The following GPHN variants were observed in gnomAD, a reference collection of about 807,000 sequenced individuals.
GPHN encodes gephyrin.
Under a neutral mutation model 95.5 loss-of-function variants are expected in GPHN, and 17 were observed. That is an observed-to-expected ratio of 0.18 (90% confidence interval 0.12 to 0.27). The LOEUF is 0.27. Ranked by LOEUF, GPHN falls within the 10% of genes least tolerant of loss-of-function variation. GPHN has a pLI of 1.00. For missense variants in GPHN, 660 were observed against 978.1 expected (o/e 0.67, Z 4.34); for synonymous variants, 320 against 322.5 (o/e 0.99, Z 0.08).
At chr14:67,524,018 G>A in the GPHN span, among the ~76,000 whole-genome samples, 1 of 152,132 alleles carries the variant, frequency 6.6e-6, no homozygotes, top group Admixed American at 6.5e-5. Flanking sequence ...CTGCATGTCT[G>A]TGTTCTGAGT....
intron 10 of GPHN, among the ~76,000 whole-genome samples, chr14:67,037,939 G>GTC (rs984788461): frequency 1.1e-4 from 17 of 151,900 alleles, no homozygotes; most frequent in African/African-American, 4.1e-4. Context: ...TGATCTGTCA[G>GTC]TCTCACTTCT....
chr14:67,582,365 G>A, the GPHN span: 4 of 1,282,502 alleles, frequency 3.1e-6, no homozygotes, highest in Admixed American at 2.0e-5. This position sits in a 1 kb window ranked among gnomAD's most constrained non-coding sequence, Gnocchi z 5.0. Context: ...GACTTCTACA[G>A]ATCAGAGCTC....
chr14:67,349,346 A>G, the GPHN span, among the ~76,000 whole-genome samples: 9 of 152,254 alleles, frequency 5.9e-5, no homozygotes, highest in Non-Finnish European at 4.4e-5. Flanking sequence ...GAATGATTTT[A>G]AAGTTCGTGG....
chr14:66,984,194 A>T (rs893923041), intron 9 of GPHN, among the ~76,000 whole-genome samples: 2 of 152,182 alleles, frequency 1.3e-5, no homozygotes, highest in Non-Finnish European at 1.5e-5. Flanking sequence ...CTACCTTTAT[A>T]ATCTAGATAT....
chr14:67,104,193 AC>A (rs1438462318), intron 13 of GPHN, among the ~76,000 whole-genome samples: 9 of 152,190 alleles, frequency 5.9e-5, no homozygotes, highest in Non-Finnish European at 1.3e-4. Context: ...ATGTTGAGCC[AC>A]CCTTGCATCC....
chr14:67,213,178 T>C, the GPHN span, among the ~76,000 whole-genome samples: 1 of 151,218 alleles, frequency 6.6e-6, no homozygotes, highest in Admixed American at 6.6e-5. Context: ...TTTATTATTA[T>C]TATACTTTAA....
chr14:66,680,867 TG>T (rs1215775507), intron 1 of GPHN, among the ~76,000 whole-genome samples: 5 of 152,282 alleles, frequency 3.3e-5, no homozygotes, highest in African/African-American at 1.2e-4. Context: ...TTTTATGTAA[TG>T]TATTTATATA....
At chr14:67,060,898 T>C (rs1431873939) in intron 11 of GPHN, among the ~76,000 whole-genome samples, 1 of 152,218 alleles carries the variant, frequency 6.6e-6, no homozygotes, top group Non-Finnish European at 1.5e-5. Context: ...ATATTCTAAA[T>C]GTATTATGTA....
chr14:67,352,702 CG>C, the GPHN span: 1 of 423,230 alleles, frequency 2.4e-6, no homozygotes, highest in Non-Finnish European at 4.2e-6. Flanking sequence ...GAGAGGCAGG[CG>C]GGGGGCCAAT....
At chr14:66,790,400 C>T (rs1320361312) in intron 3 of GPHN, among the ~76,000 whole-genome samples, 2 of 152,210 alleles carry the variant, frequency 1.3e-5, no homozygotes, top group African/African-American at 4.8e-5. Flanking sequence ...AAAGCTTTAA[C>T]TGCTAAGCTA....
At chr14:67,076,199 C>T (rs1008131719) in intron 11 of GPHN, among the ~76,000 whole-genome samples, 1 of 152,278 alleles carries the variant, frequency 6.6e-6, no homozygotes, top group South Asian at 2.1e-4. Flanking sequence ...CCAGCAAAAA[C>T]GTTACAACTC....
At chr14:67,341,368 A>G in the GPHN span, among the ~76,000 whole-genome samples, 1 of 145,684 alleles carries the variant, frequency 6.9e-6, no homozygotes, top group Non-Finnish European at 1.5e-5. Flanking sequence ...CAGCCGCCCC[A>G]TCTGAGAAGT....
intron 1 of GPHN, among the ~76,000 whole-genome samples, chr14:66,647,949 C>A (rs1180572859): frequency 1.3e-5 from 2 of 152,202 alleles, no homozygotes. Context: ...TGTATTTTCT[C>A]AGTTATACCA....
the GPHN span, among the ~76,000 whole-genome samples, chr14:67,679,314 A>AAGT: frequency 1.3e-5 from 2 of 152,184 alleles, no homozygotes; most frequent in East Asian, 3.8e-4. Context: ...ATTGAGGCTT[A>AAGT]AGTTTCCAAC....
At chr14:66,887,573 C>CA (rs2064259693) in intron 5 of GPHN, among the ~76,000 whole-genome samples, 1 of 152,060 alleles carries the variant, frequency 6.6e-6, no homozygotes, top group Non-Finnish European at 1.5e-5. Context: ...GACTCCATCT[C>CA]AAAAAATAAA....
the GPHN span, among the ~76,000 whole-genome samples, chr14:67,512,100 T>C: frequency 6.6e-6 from 1 of 152,304 alleles, no homozygotes; most frequent in South Asian, 2.1e-4. Context: ...AAGTATAACC[T>C]ATGGATCTAC....
chr14:67,709,014 A>C, the GPHN span, among the ~76,000 whole-genome samples: 1 of 152,140 alleles, frequency 6.6e-6, no homozygotes, highest in African/African-American at 2.4e-5. Context: ...GATGGTCTCG[A>C]TCTTTTGACC....
chr14:67,393,047 A>C, the GPHN span: 1 of 980,784 alleles, frequency 1.0e-6, no homozygotes, highest in Middle Eastern at 3.0e-4. Flanking sequence ...GTTGCCCAGC[A>C]GGCAGCTCTG....
At chr14:67,643,616 G>A in the GPHN span, among the ~76,000 whole-genome samples, 1 of 152,290 alleles carries the variant, frequency 6.6e-6, no homozygotes, top group East Asian at 1.9e-4. Context: ...TTGAGCCCAG[G>A]AGTTTGAGGC....
Sources: gnomAD v4.1 joint callset for allele counts (sites outside exome capture counted in the v4.1 genomes callset) on GRCh38, gnomAD v4.1.1 for gene constraint, Gnocchi (gnomAD v3.1) non-coding constraint, MANE v1.5 for transcripts, NCBI Gene and HGNC (gene_info 2026-07-23, HGNC 2026-07-21) for gene names.